RARB: variants seen among roughly 807,000 people sequenced by gnomAD.
RARB encodes HBV-activated protein.
In RARB, 17 loss-of-function variants were observed where a neutral mutation model predicts 51.9. The observed-to-expected ratio is 0.33, with a 90% CI of 0.22 to 0.49. The LOEUF is 0.49. RARB is among the 20% of genes least tolerant of loss of function. The pLI is 0.99. For synonymous variants in RARB, 215 were observed against 195.4 expected, an observed-to-expected ratio of 1.10 and a Z score of -0.84; for missense variants, 369 against 550.8, an observed-to-expected ratio of 0.67 and a Z score of 3.30.
rs528452153 is a variant in RARB at position 25,498,762 on chromosome 3, G to A, written c.307-2420G>A. Among the ~76,000 whole-genome samples the A allele has an allele frequency of 3.7e-4, 57 of 152,196 alleles. 1 individual carries two copies. The East Asian group carries it at 3.9e-3, about 10-fold the overall frequency. On this transcript the variant is annotated intron_variant, in intron 2 of 7. Transcript: ENST00000330688. ...TGTCCATACCTCATTTTCTTCCCACGTATATAAAAGACCATGTTTTCCATT... is the reference window on the plus strand; with the variant it reads ...TGTCCATACCTCATTTTCTTCCCACATATATAAAAGACCATGTTTTCCATT...
At chr3:24,960,460 C>T (rs1696114373) in intron 2 of RARB, among the ~76,000 whole-genome samples, 1 of 152,200 alleles carries the variant, frequency 6.6e-6, no homozygotes, top group African/African-American at 2.4e-5. Flanking sequence ...ATTGAGCAGA[C>T]ATCCTGCCAG....
At chr3:25,049,205 G>A (rs1698278284) in intron 2 of RARB, among the ~76,000 whole-genome samples, 1 of 152,206 alleles carries the variant, frequency 6.6e-6, no homozygotes, top group South Asian at 2.1e-4. Flanking sequence ...AGGGATGCCT[G>A]TGGAAGAACT....
At chr3:25,034,105 G>A (rs1485824054) in intron 2 of RARB, among the ~76,000 whole-genome samples, 1 of 152,136 alleles carries the variant, frequency 6.6e-6, no homozygotes, top group Non-Finnish European at 1.5e-5. Flanking sequence ...AAGAATAGCT[G>A]TTTGGACCAG....
chr3:25,293,597 T>TAAAAA lies in RARB; in HGVS notation c.178+119039_178+119043dup, dbSNP rs10713675. Among the ~76,000 whole-genome samples, 34 of 68,636 alleles carry TAAAAA rather than the reference T, an allele frequency of 5.0e-4. 3 individuals carry two copies. The East Asian group carries it at 5.8e-3, about 12-fold the overall frequency. The allele number at this position is 68,636 out of a possible 152,430, so 45.0% of individuals were successfully genotyped here. A position where few individuals can be genotyped will look rare whatever the true frequency, so the allele number is the denominator to read the frequency against. ...TTCCCGAGGCTAGAGTTACTCCATT[T>TAAAAA]AAAAAAAAAAAAAAAAAAAAAGTTC... On this transcript the variant is annotated intron_variant, in intron 5 of 11. Transcript: ENST00000383772.
At position 25,000,519 on chromosome 3, in the gene RARB, C is replaced by T. The variant is rs182110368; in HGVS notation, c.-379-59606C>T. Among the ~76,000 whole-genome samples the T allele has an allele frequency of 2.4e-4, 36 of 152,048 alleles. 1 individual carries two copies. The East Asian group carries it at 5.4e-3, about 23-fold the overall frequency. On this transcript the variant is annotated intron_variant, in intron 2 of 11. Transcript: ENST00000383772. The stretch of plus-strand genomic sequence containing the variant: ...AAGTCTTAACTACTTCTTTGACCTG[C>T]GAGGCTGATTTTTAAAATCATATTA...
At chr3:24,912,703 T>C (rs1484421579) in intron 2 of RARB, among the ~76,000 whole-genome samples, 3 of 152,184 alleles carry the variant, frequency 2.0e-5, no homozygotes, top group Non-Finnish European at 2.9e-5. Flanking sequence ...TTCTACATGA[T>C]TAAACTAAGT....
chr3:24,985,172 C>A (rs1432077831), intron 2 of RARB, among the ~76,000 whole-genome samples: 2 of 152,058 alleles, frequency 1.3e-5, no homozygotes, highest in Non-Finnish European at 2.9e-5. Flanking sequence ...TTGGTTCATG[C>A]CCTTTTACTC....
intron 2 of RARB, among the ~76,000 whole-genome samples, chr3:24,960,806 T>C (rs1398916418): frequency 1.3e-5 from 2 of 152,158 alleles, no homozygotes; most frequent in African/African-American, 4.8e-5. Flanking sequence ...CACTTTCCTT[T>C]TTTAAAAAAG....
intron 5 of RARB, among the ~76,000 whole-genome samples, chr3:25,233,412 A>C (rs943869263): frequency 2.0e-5 from 3 of 152,156 alleles, no homozygotes; most frequent in African/African-American, 7.2e-5. Flanking sequence ...AACATCACTT[A>C]TTAGTTCTAG....
chr3:25,103,632 A>G (rs998815975), intron 3 of RARB, among the ~76,000 whole-genome samples: 2 of 152,240 alleles, frequency 1.3e-5, no homozygotes, highest in Non-Finnish European at 2.9e-5. Flanking sequence ...GCTGGAAACA[A>G]TACAGATCTT....
chr3:25,483,470 C>T (rs573052778), intron 2 of RARB, among the ~76,000 whole-genome samples: 52 of 151,708 alleles, frequency 3.4e-4, no homozygotes, highest in African/African-American at 1.1e-3. Flanking sequence ...AGCTTCTTGA[C>T]CTCTAGACCC....
intron 3 of RARB, among the ~76,000 whole-genome samples, chr3:25,541,092 C>T (rs1171257837): frequency 1.3e-5 from 2 of 152,244 alleles, no homozygotes; most frequent in African/African-American, 4.8e-5. Context: ...CATGCCTATT[C>T]ATTTATACTC....
At chr3:25,147,484 A>G (rs1014827245) in intron 4 of RARB, among the ~76,000 whole-genome samples, 2 of 152,180 alleles carry the variant, frequency 1.3e-5, no homozygotes, top group Non-Finnish European at 2.9e-5. Flanking sequence ...ACTATATGAC[A>G]TAGATTTTCC....
intron 2 of RARB, among the ~76,000 whole-genome samples, chr3:24,996,746 G>C (rs985989661): frequency 6.6e-5 from 10 of 151,632 alleles, no homozygotes; most frequent in African/African-American, 2.4e-4. Context: ...TAATTTCCAG[G>C]TATTTGTAAA....
chr3:25,209,109 A>G (rs926274065), intron 5 of RARB, among the ~76,000 whole-genome samples: 2 of 152,192 alleles, frequency 1.3e-5, no homozygotes, highest in East Asian at 3.8e-4. Context: ...CCACTAATAT[A>G]TGTGAGTCCA....
rs1447704423 is a variant in RARB, at chr3:25,597,735, C to CAA, written c.*1120_*1121dup. On this transcript the variant is annotated 3_prime_UTR_variant, in exon 8 of 8. Transcript: ENST00000330688. The stretch of plus-strand genomic sequence containing the variant: ...GCTGTGGTAGAGTGGTTAACAGATA[C>CAA]AAGTGTCAGTTTCTTAGTTCTCATT... 8.5e-5 allele frequency: 13 copies of CAA among 152,492 alleles called. No individual in the cohort carries two copies. Among genetic ancestry groups the CAA allele is most frequent in the South Asian group, 4.1e-4 (2 of 4,820 alleles). 9.4% of individuals were successfully genotyped at this position (152,492 alleles called of 1,614,324 possible).
chr3:25,002,623 A>G (rs541720232), intron 2 of RARB, among the ~76,000 whole-genome samples: 11 of 152,278 alleles, frequency 7.2e-5, no homozygotes, highest in Non-Finnish European at 1.5e-4. Flanking sequence ...CACTTAATAC[A>G]TTGGCATATT....
At chr3:25,126,578 A>G (rs1397652412) in intron 3 of RARB, among the ~76,000 whole-genome samples, 2 of 152,166 alleles carry the variant, frequency 1.3e-5, no homozygotes, top group African/African-American at 4.8e-5. Context: ...CACATGAACA[A>G]AGCAGATTCT....
At chr3:24,847,228 A>G (rs1434334611) in intron 1 of RARB, among the ~76,000 whole-genome samples, 2 of 152,186 alleles carry the variant, frequency 1.3e-5, no homozygotes, top group East Asian at 1.9e-4. Context: ...TCTGAGAACC[A>G]TTGTTCAAGA....
Sources: allele counts gnomAD v4.1 joint callset (sites outside exome capture counted in the v4.1 genomes callset), GRCh38; gene constraint gnomAD v4.1.1; transcripts MANE v1.5; gene names NCBI Gene and HGNC (gene_info 2026-07-23, HGNC 2026-07-21).